ADAMTS6: variants seen among roughly 807,000 people sequenced by gnomAD.
ADAMTS6 encodes ADAM metallopeptidase with thrombospondin type 1 motif 6.
A neutral mutation model predicts 144.3 loss-of-function variants in ADAMTS6; 23 were observed. The observed-to-expected ratio is 0.16, with a 90% CI of 0.11 to 0.23. The LOEUF (loss-of-function observed/expected upper bound fraction) is 0.23. Ranked by LOEUF, ADAMTS6 falls within the 10% of genes least tolerant of loss-of-function variation. The pLI, the probability that ADAMTS6 is intolerant of heterozygous loss-of-function variation, is 1.00. For synonymous variants in ADAMTS6, 444 were observed against 457.5 expected, an observed-to-expected ratio of 0.97 and a Z score of 0.38; for missense variants, 999 against 1,379.6, an observed-to-expected ratio of 0.72 and a Z score of 4.37.
chr5:65,399,942 T>C (rs888085043), intron 7 of ADAMTS6, among the ~76,000 whole-genome samples: 7 of 152,204 alleles, frequency 4.6e-5, no homozygotes, highest in African/African-American at 1.7e-4. Context: ...GGCAGATCTA[T>C]TGGTAATAAA....
At chr5:65,405,754 G>A (rs374742609) in intron 7 of ADAMTS6, among the ~76,000 whole-genome samples, 3 of 152,230 alleles carry the variant, frequency 2.0e-5, no homozygotes, top group African/African-American at 2.4e-5. Flanking sequence ...CCATTTTCAC[G>A]ATATTGGCTC....
intron 11 of ADAMTS6, among the ~76,000 whole-genome samples, chr5:65,290,064 G>C (rs867841700): frequency 2.0e-5 from 3 of 152,074 alleles, no homozygotes; most frequent in Admixed American, 1.3e-4. Flanking sequence ...TTTCAAGCTA[G>C]TGCACAAATG....
At chr5:65,331,847 A>G (rs1473806955) in intron 8 of ADAMTS6, among the ~76,000 whole-genome samples, 2 of 152,012 alleles carry the variant, frequency 1.3e-5, no homozygotes, top group African/African-American at 4.8e-5. Context: ...GTGTGTGTGT[A>G]TATATACATA....
At chr5:65,479,967 C>T (rs1445043395) in intron 1 of ADAMTS6, among the ~76,000 whole-genome samples, 1 of 152,162 alleles carries the variant, frequency 6.6e-6, no homozygotes, top group Non-Finnish European at 1.5e-5. Flanking sequence ...AAAACACTAA[C>T]GATCACATTT....
intron 7 of ADAMTS6, among the ~76,000 whole-genome samples, chr5:65,439,793 A>T (rs977539248): frequency 6.6e-6 from 1 of 152,086 alleles, no homozygotes; most frequent in Non-Finnish European, 1.5e-5. Flanking sequence ...GTTATATAAG[A>T]GAATGTCTTT....
intron 7 of ADAMTS6, among the ~76,000 whole-genome samples, chr5:65,341,555 G>A (rs1747827884): frequency 6.6e-6 from 1 of 151,962 alleles, no homozygotes; most frequent in South Asian, 2.1e-4. Context: ...GGTCATTAGA[G>A]ACTACTATGA....
chr5:65,400,271 T>C (rs1362851014), intron 7 of ADAMTS6, among the ~76,000 whole-genome samples: 3 of 152,166 alleles, frequency 2.0e-5, no homozygotes, highest in African/African-American at 7.2e-5. Context: ...GTCATGATCA[T>C]AGCTCACTGC....
At chr5:65,282,749 G>A (rs889174389) in intron 11 of ADAMTS6, among the ~76,000 whole-genome samples, 1 of 151,844 alleles carries the variant, frequency 6.6e-6, no homozygotes, top group Non-Finnish European at 1.5e-5. Flanking sequence ...GATAATGTTG[G>A]TCAGCTGTAC....
At chr5:65,294,925 G>T (rs1040673935) in intron 10 of ADAMTS6, among the ~76,000 whole-genome samples, 1 of 149,744 alleles carries the variant, frequency 6.7e-6, no homozygotes, top group African/African-American at 2.5e-5. Flanking sequence ...TTATTCATCT[G>T]CCAGTTTTGA....
At chr5:65,419,169 G>C (rs1376946994) in intron 7 of ADAMTS6, among the ~76,000 whole-genome samples, 1 of 152,144 alleles carries the variant, frequency 6.6e-6, no homozygotes, top group East Asian at 1.9e-4. Context: ...ATGGGGACTG[G>C]ATAAAGAAAA....
chr5:65,251,953 T>C (rs564267513), intron 14 of ADAMTS6, among the ~76,000 whole-genome samples: 1 of 152,230 alleles, frequency 6.6e-6, no homozygotes, highest in African/African-American at 2.4e-5. Flanking sequence ...ACCATTTCTA[T>C]ACCTCTTAAG....
At chr5:65,404,878 C>T (rs1194555468) in intron 7 of ADAMTS6, among the ~76,000 whole-genome samples, 4 of 152,172 alleles carry the variant, frequency 2.6e-5, no homozygotes, top group Non-Finnish European at 4.4e-5. Flanking sequence ...TTTTGATTTG[C>T]ATTTCTCTGA....
rs560226883 is a variant in ADAMTS6 at position 65,413,375 on chromosome 5, T to A, written c.1073+38100A>T. ...CAGGCAATTTTCTTCAGTAGGACAG[T>A]GTAATACTCAGATTTTCCAAAAACA... On this transcript the variant is annotated intron_variant, in intron 7 of 24. Transcript: ENST00000381055. Among the ~76,000 whole-genome samples the A allele has an allele frequency of 2.6e-5, 4 of 152,278 alleles. No homozygotes were observed. In the East Asian group the frequency reaches 7.7e-4, roughly 29 times the overall value.
chr5:65,334,021 A>AC lies in ADAMTS6; in HGVS notation c.1117+20_1117+21insG. On this transcript the variant is annotated intron_variant, in intron 8 of 24. Coordinates refer to ENST00000381055, the MANE Select transcript of ADAMTS6 (RefSeq NM_197941.4). ...TTAAAAAAAAAAAAAAAAAAAAAAA[A>AC]AAAAACCAAAAAAAACTTACCCAGT... 12 of 1,383,844 alleles carry AC rather than the reference A, an allele frequency of 8.7e-6. No homozygotes were observed. The South Asian group carries it at 2.3e-4, about 27-fold the overall frequency. 85.7% of individuals were successfully genotyped at this position (1,383,844 alleles called of 1,614,324 possible).
intron 12 of ADAMTS6, among the ~76,000 whole-genome samples, chr5:65,271,967 C>A (rs1762092378): frequency 6.6e-6 from 1 of 152,084 alleles, no homozygotes; most frequent in Non-Finnish European, 1.5e-5. Flanking sequence ...GATTCTAAAT[C>A]CTTTTTCAAT....
intron 14 of ADAMTS6, among the ~76,000 whole-genome samples, chr5:65,245,545 T>C (rs1032324927): frequency 1.3e-5 from 2 of 152,152 alleles, no homozygotes; most frequent in Non-Finnish European, 1.5e-5. Context: ...CTGCATTAAA[T>C]TCCCTCTATT....
At chr5:65,313,458 A>C (rs1744700011) in intron 9 of ADAMTS6, among the ~76,000 whole-genome samples, 1 of 152,012 alleles carries the variant, frequency 6.6e-6, no homozygotes, top group Non-Finnish European at 1.5e-5. Context: ...ATGTGCATTT[A>C]TTTATGTGTG....
intron 8 of ADAMTS6, among the ~76,000 whole-genome samples, chr5:65,330,771 T>TG (rs1473708158): frequency 6.6e-6 from 1 of 152,048 alleles, no homozygotes; most frequent in Non-Finnish European, 1.5e-5. Flanking sequence ...AGGCAAGAGT[T>TG]GGGGAGGGAG....
At chr5:65,284,987 C>T (rs911587376) in intron 11 of ADAMTS6, among the ~76,000 whole-genome samples, 4 of 152,098 alleles carry the variant, frequency 2.6e-5, no homozygotes, top group Admixed American at 6.6e-5. Context: ...GACATTGCTA[C>T]ACTGGAGAAT....
Sources: gnomAD v4.1 joint callset for allele counts (sites outside exome capture counted in the v4.1 genomes callset) on GRCh38, gnomAD v4.1.1 for gene constraint, MANE v1.5 for transcripts, NCBI Gene and HGNC (gene_info 2026-07-23, HGNC 2026-07-21) for gene names.